Variants in FLG observed in about 807,000 individuals in gnomAD.
FLG encodes the protein filaggrin, also known as epidermal filaggrin.
FLG carries 6 observed loss-of-function variants against 3.8 expected under a neutral mutation model. The observed-to-expected ratio is 1.60, with a 90% CI of 0.87 to 3.15. FLG has a LOEUF of 3.15. FLG is among the 30% of genes most tolerant of loss of function. The pLI is 0.00. For missense variants in FLG, 7,595 were observed against 5,050.9 expected, an observed-to-expected ratio of 1.50 and a Z score of -15.27; for synonymous variants, 2,551 against 1,931.6, an observed-to-expected ratio of 1.32 and a Z score of -8.41.
rs751450452 is a variant in FLG, at chr1:152,307,196, C to T, written c.7690G>A (p.Gly2564Arg). Residue 2564 changes from glycine to arginine, a missense_variant, in exon 3 of 3, where the codon GGA (glycine) becomes AGA (arginine). By Grantham distance (125) the Gly-to-Arg change is moderately radical (BLOSUM62 -2). Coordinates refer to ENST00000368799, the MANE Select transcript of FLG (RefSeq NM_002016.2). ...TCACTGTCCTGGCTAAAACTGGATC[C>T]CCAGTTCCTGCTTGTCCTGGGCCCC... ...SEGPRTSRNW[G>R]SSFSQDSDSQ... is the part of the protein sequence containing the mutation. 5.6e-6 allele frequency: 9 copies of T among 1,612,736 alleles called. No individual in the cohort carries two copies. Among genetic ancestry groups the T allele is most frequent in the Non-Finnish European group, 7.6e-6 (9 of 1,179,952 alleles).
Position 152,304,320 on chromosome 1 carries a change from G to T in FLG, c.10566C>A (p.Gly3522=), listed in dbSNP as rs775828825. The change falls in exon 3 of 3, where the codon GGC becomes GGA. Residue 3522 remains glycine (G), a synonymous_variant. Coordinates refer to ENST00000368799, the MANE Select transcript of FLG (RefSeq NM_002016.2). The part of the protein sequence containing the change: ...QADSSRHSQS[G]QGQSAGPRTS... ...TCCTGGGCCCCGCTGATTGTCCCTGGCCGGACTGTGAGTGTCTAGAGCTGT... is the reference window on the plus strand; with the variant it reads ...TCCTGGGCCCCGCTGATTGTCCCTGTCCGGACTGTGAGTGTCTAGAGCTGT... 1.2e-6 allele frequency: 2 copies of T among 1,610,902 alleles called. No homozygotes were observed. The highest frequency in any genetic ancestry group is 1.7e-6 in the Non-Finnish European group (2 of 1,178,660).
rs1570908106 is a variant in FLG, at chr1:152,310,757, G to C, written c.4129C>G (p.Gln1377Glu). The stretch of plus-strand genomic sequence containing the variant: ...CTGTCTCTGACTGCAGATGAAGCTT[G>C]TCTGTGCCCAATGCCTGAGTGTCTG... ...SSRHSGIGHR[Q>E]ASSAVRDSGH... Residue 1377 changes from glutamine (Q) to glutamate (E), a missense_variant, in exon 3 of 3, where the codon CAA becomes GAA. Coordinates refer to ENST00000368799, the MANE Select transcript of FLG (RefSeq NM_002016.2). 1.2e-6 allele frequency: 2 copies of C among 1,614,024 alleles called. No homozygotes were observed. Among genetic ancestry groups the C allele is most frequent in the Admixed American group, 1.7e-5 (1 of 60,012 alleles).
chr1:152,315,422 A>G lies in FLG; in HGVS notation c.35T>C (p.Ile12Thr). ...TTTTGAATATTGCTTGAAAAGATTA[A>G]TTATGGCAAAGATGTTTTCCAGGAG... ...STLLENIFAI[I>T]NLFKQYSKKD... Residue 12 changes from isoleucine (I) to threonine (T), a missense_variant, in exon 2 of 3, where the codon ATT (isoleucine) becomes ACT (threonine). Physicochemically the swap from Ile to Thr is moderately conservative, Grantham distance 89. Transcript: ENST00000368799. 6.2e-7 allele frequency: 1 copy of G among 1,612,312 alleles called. No homozygotes were observed. The highest frequency in any genetic ancestry group is 8.5e-7 in the Non-Finnish European group (1 of 1,179,100).
In FLG at chr1:152,308,224, C is replaced by T; in HGVS notation, c.6662G>A (p.Arg2221Lys). The T allele has an allele frequency of 1.2e-6, 2 of 1,614,068 alleles. No individual in the cohort carries two copies. Among genetic ancestry groups the T allele is most frequent in the South Asian group, 1.1e-5 (1 of 91,084 alleles). ...HEASSWADSS[R>K]HSLVGQGQSS... is the part of the protein sequence containing the mutation. ...TTGTCCCTGGCCCACCAGTGAGTGTCTAGAGCTGTCGGCCCAAGAGGAAGC... is the reference window on the plus strand; with the variant it reads ...TTGTCCCTGGCCCACCAGTGAGTGTTTAGAGCTGTCGGCCCAAGAGGAAGC... Residue 2221 changes from arginine (R) to lysine (K), a missense_variant, in exon 3 of 3, where the codon AGA becomes AAA. Physicochemically the swap from Arg to Lys is conservative, Grantham distance 26 (BLOSUM62 2). Coordinates refer to ENST00000368799, the MANE Select transcript of FLG (RefSeq NM_002016.2).
Position 152,312,620 on chromosome 1 carries a change from C to G in FLG, c.2266G>C (p.Asp756His). ...QATDSEGHSE[D>H]SDTQSVSGHG... ...CCTGACACTGACTGTGTGTCTGAGT[C>G]TTCTGAATGTCCCTCACTGTCAGTG... Residue 756 changes from aspartate (D) to histidine (H), a missense_variant, in exon 3 of 3, where the codon GAC becomes CAC. Coordinates refer to ENST00000368799, the MANE Select transcript of FLG (RefSeq NM_002016.2). The G allele has an allele frequency of 6.2e-7, 1 of 1,613,770 alleles. No homozygotes were observed. Among genetic ancestry groups the G allele is most frequent in the Non-Finnish European group, 8.5e-7 (1 of 1,179,984 alleles).
rs778322699 is a variant in FLG at position 152,312,551 on chromosome 1, C to G, written c.2335G>C (p.Ala779Pro). 1.2e-6 allele frequency: 2 copies of G among 1,613,626 alleles called. No homozygotes were observed. The highest frequency in any genetic ancestry group is 1.7e-6 in the Non-Finnish European group (2 of 1,179,912). The change falls in exon 3 of 3, where the codon GCA becomes CCA. Residue 779 changes from alanine (A) to proline (P), a missense_variant. Ala to Pro is a conservative substitution (Grantham distance 27, BLOSUM62 -1). Coordinates refer to ENST00000368799, the MANE Select transcript of FLG (RefSeq NM_002016.2). ...GACCTTTCCCCTGACCGGTCACGTGCGGACTCTTGGTGGCTCTGCTGATGG... is the reference window on the plus strand; with the variant it reads ...GACCTTTCCCCTGACCGGTCACGTGGGGACTCTTGGTGGCTCTGCTGATGG... ...GHHQQSHQES[A>P]RDRSGERSRR...
Position 152,312,553 on chromosome 1 carries a change from GA to G in FLG, c.2332del (p.Ser778ProfsTer20). On this transcript the variant is annotated frameshift_variant, in exon 3 of 3. Transcript: ENST00000368799. LOFTEE classifies it low-confidence loss of function (END_TRUNC). ...AGHHQQSHQE[S>X]ARDRSGERSR... is the part of the protein sequence containing the mutation. ...CCTTTCCCCTGACCGGTCACGTGCG[GA>G]CTCTTGGTGGCTCTGCTGATGGTGA... The G allele has an allele frequency of 6.2e-7, 1 of 1,613,744 alleles. No homozygotes were observed. The highest frequency in any genetic ancestry group is 8.5e-7 in the Non-Finnish European group (1 of 1,179,952).
At position 152,307,528 on chromosome 1, in the gene FLG, G is replaced by T. The variant is rs1388479165; in HGVS notation, c.7358C>A (p.Ser2453Ter). The T allele has an allele frequency of 3.7e-6, 6 of 1,613,718 alleles. No homozygotes were observed. Among genetic ancestry groups the T allele is most frequent in the East Asian group, 2.2e-5 (1 of 44,794 alleles). ...GGTGTCCTGACCCTCTTGGGACGTT[G>T]AGTGCCTGGAGCTGTCTCGTGCCTG... ...HKQARDSSRH[S>*]TSQEGQDTIH... Residue 2453 changes from serine to a stop codon, truncating the protein, a stop_gained, in exon 3 of 3, where the codon TCA (serine) becomes TAA (stop). Coordinates refer to ENST00000368799, the MANE Select transcript of FLG (RefSeq NM_002016.2). LOFTEE classifies it low-confidence loss of function (END_TRUNC).
chr1:152,311,661 C>T lies in FLG; in HGVS notation c.3225G>A (p.Glu1075=). 1.2e-6 allele frequency: 2 copies of T among 1,614,106 alleles called. No homozygotes were observed. The highest frequency in any genetic ancestry group is 1.7e-6 in the Non-Finnish European group (2 of 1,180,020). The change falls in exon 3 of 3, where the codon GAG becomes GAA. Residue 1075 remains glutamate, a synonymous_variant. Coordinates refer to ENST00000368799, the MANE Select transcript of FLG (RefSeq NM_002016.2). ...GSSGSQASDS[E]GHSEESDTQS... is the part of the protein sequence containing the mutation. ...GTGTGTCTGACTCCTCTGAATGTCC[C>T]TCACTATCACTGGCCTGACTACCAC...
In FLG at chr1:152,302,744, G is replaced by T. The variant is rs926016191; in HGVS notation, c.12142C>A (p.Gln4048Lys). ...LCGHSSDISKQLGFSQSQRYY... is the reference protein window; with the variant it reads ...LCGHSSDISKKLGFSQSQRYY... Reference sequence around the variant, plus strand: ...CTCTGTGACTGACTAAATCCCAGTTGTTTCGATATATCACTAGAATGGCCA... The same window carrying T: ...CTCTGTGACTGACTAAATCCCAGTTTTTTCGATATATCACTAGAATGGCCA... The change falls in exon 3 of 3, where the codon CAA becomes AAA. Residue 4048 changes from glutamine to lysine, a missense_variant. By Grantham distance (53) the Gln-to-Lys change is moderately conservative. Coordinates refer to ENST00000368799, the MANE Select transcript of FLG (RefSeq NM_002016.2). The T allele has an allele frequency of 3.1e-6, 5 of 1,614,016 alleles. No homozygotes were observed. In the South Asian group the frequency reaches 3.3e-5, roughly 11 times the overall value.
rs1425101050 is a variant in FLG at position 152,312,808 on chromosome 1, G to T, written c.2078C>A (p.Ala693Asp). 1 of 1,614,050 alleles carries T rather than the reference G, an allele frequency of 6.2e-7. No homozygotes were observed. Among genetic ancestry groups the T allele is most frequent in the Non-Finnish European group, 8.5e-7 (1 of 1,180,016 alleles). Residue 693 changes from alanine to aspartate, a missense_variant, in exon 3 of 3, where the codon GCT (alanine) becomes GAT (aspartate). Transcript: ENST00000368799. ...TCTTGCCTGTTCATGGGATGACGCA[G>T]CCTGTCCACTAGAGGAATTCTGTGT... is the stretch of plus-strand genomic sequence containing the variant. ...RHTQNSSSGQ[A>D]ASSHEQARSS...
Position 152,303,894 on chromosome 1 carries a change from G to A in FLG, c.10992C>T (p.Ala3664=). 6.2e-7 allele frequency: 1 copy of A among 1,613,854 alleles called. No homozygotes were observed. Among genetic ancestry groups the A allele is most frequent in the Non-Finnish European group, 8.5e-7 (1 of 1,179,982 alleles). Residue 3664 remains alanine, a synonymous_variant, in exon 3 of 3, where the codon GCC becomes GCT. Transcript: ENST00000368799. ...CTTCTGAATGTCCCTCACTGTCACT[G>A]GCCTGACTACCACTGGACCCTCGGT... The part of the protein sequence containing the change: ...SGHRGSSGSQ[A]SDSEGHSEDS...
At position 152,313,296 on chromosome 1, in the gene FLG, G is replaced by A; in HGVS notation, c.1590C>T (p.Ser530=). 6.2e-7 allele frequency: 1 copy of A among 1,613,632 alleles called. No individual in the cohort carries two copies. Among genetic ancestry groups the A allele is most frequent in the African/African-American group, 1.3e-5 (1 of 74,782 alleles). The stretch of plus-strand genomic sequence containing the variant: ...ACCTATTTACCGATTGCTCGTGGTG[G>A]GATCCCTGCCTTCCTCCTCTGCTTG... The part of the protein sequence containing the change: ...PGSSRGGRQG[S]HHEQSVNRSG... Residue 530 remains serine (S), a synonymous_variant, in exon 3 of 3, where the codon TCC becomes TCT. Coordinates refer to ENST00000368799, the MANE Select transcript of FLG (RefSeq NM_002016.2).
chr1:152,306,094 C>G lies in FLG; in HGVS notation c.8792G>C (p.Arg2931Thr), dbSNP rs763421297. The G allele has an allele frequency of 3.1e-6, 5 of 1,598,834 alleles. No homozygotes were observed. The highest frequency in any genetic ancestry group is 2.2e-5 in the South Asian group (2 of 91,042). Residue 2931 changes from arginine to threonine, a missense_variant, in exon 3 of 3, where the codon AGG becomes ACG. Arg to Thr is a moderately conservative substitution (Grantham distance 71, BLOSUM62 -1). Transcript: ENST00000368799. The part of the protein sequence containing the change: ...EQLRDGSRHP[R>T]SHQEDRAGHG... The stretch of plus-strand genomic sequence containing the variant: ...ACCAGCTCTGTCTTCTTGATGGGAC[C>G]TGGGGTGTCTGGAGCCATCTCTTAG...
rs1289944641 is a variant in FLG at position 152,309,678 on chromosome 1, G to A, written c.5208C>T (p.Ala1736=). The A allele has an allele frequency of 1.9e-6, 3 of 1,613,812 alleles. No homozygotes were observed. The highest frequency in any genetic ancestry group is 2.7e-5 in the African/African-American group (2 of 74,940). Residue 1736 remains alanine, a synonymous_variant, in exon 3 of 3, where the codon GCC becomes GCT. Transcript: ENST00000368799. ...SEESDTQSVS[A]HGQAGPHQQS... is the part of the protein sequence containing the mutation. ...GCTGATGGGGCCCAGCCTGTCCGTG[G>A]GCTGACACTGACTGTGTGTCTGACT...
rs537598102 is a variant in FLG, at chr1:152,309,186, C to G, written c.5700G>C (p.Val1900=). ...TGGGCCCTGATGATTGTCCCTGGCC[C>G]ACCTGCGAGTGTCTAGAGCTGTCGG... ...SRADSSRHSQ[V]GQGQSSGPRT... Residue 1900 remains valine, a synonymous_variant, in exon 3 of 3, where the codon GTG becomes GTC. Coordinates refer to ENST00000368799, the MANE Select transcript of FLG (RefSeq NM_002016.2). 5.2e-5 allele frequency: 83 copies of G among 1,611,368 alleles called. No individual in the cohort carries two copies. In the African/African-American group the frequency reaches 1.1e-3, roughly 21 times the overall value.
Position 152,303,117 on chromosome 1 carries a change from AC to A in FLG, c.11768del (p.Ser3923IlefsTer50). On this transcript the variant is annotated frameshift_variant, in exon 3 of 3. Coordinates refer to ENST00000368799, the MANE Select transcript of FLG (RefSeq NM_002016.2). LOFTEE classifies it low-confidence loss of function (END_TRUNC). ...VQSSPVQSDS[S>X]TAKEHGHFSS... ...TAAAGTGACCATGTTCCTTAGCGGT[AC>A]TAGAGTCTGACTGTACAGGTGAAGA... 6.2e-7 allele frequency: 1 copy of A among 1,614,202 alleles called. No homozygotes were observed. Among genetic ancestry groups the A allele is most frequent in the Non-Finnish European group, 8.5e-7 (1 of 1,180,034 alleles).
In FLG at chr1:152,310,819, C is replaced by A. The variant is rs1007909829; in HGVS notation, c.4067G>T (p.Arg1356Ile). ...HEQARSSPGERHGSRHQQSAD... is the reference protein window; with the variant it reads ...HEQARSSPGEIHGSRHQQSAD... Reference sequence around the variant, plus strand: ...TGACTGCTGGTGGCGGGATCCATGTCTTTCTCCTGGACTTGATCTTGCCTG... The same window carrying A: ...TGACTGCTGGTGGCGGGATCCATGTATTTCTCCTGGACTTGATCTTGCCTG... The change falls in exon 3 of 3, where the codon AGA becomes ATA. Residue 1356 changes from arginine (R) to isoleucine (I), a missense_variant. Physicochemically the swap from Arg to Ile is moderately conservative, Grantham distance 97. Transcript: ENST00000368799. 3.7e-6 allele frequency: 6 copies of A among 1,612,034 alleles called. No homozygotes were observed. The highest frequency in any genetic ancestry group is 1.7e-5 in the Admixed American group (1 of 59,474).
rs773378813 is a variant in FLG at position 152,308,220 on chromosome 1, G to A, written c.6666C>T (p.His2222=). The A allele has an allele frequency of 5.0e-6, 8 of 1,614,060 alleles. No individual in the cohort carries two copies. The South Asian group carries it at 7.7e-5, about 16-fold the overall frequency. ...ATGATTGTCCCTGGCCCACCAGTGA[G>A]TGTCTAGAGCTGTCGGCCCAAGAGG... is the stretch of plus-strand genomic sequence containing the variant. ...EASSWADSSR[H]SLVGQGQSSG... is the part of the protein sequence containing the mutation. Residue 2222 remains histidine, a synonymous_variant, in exon 3 of 3, where the codon CAC becomes CAT. Coordinates refer to ENST00000368799, the MANE Select transcript of FLG (RefSeq NM_002016.2).
Sources: allele counts gnomAD v4.1 joint callset, GRCh38; gene constraint gnomAD v4.1.1; transcripts MANE v1.5; gene names NCBI Gene and HGNC (gene_info 2026-07-23, HGNC 2026-07-21).